The following NID1 variants were observed in gnomAD, a reference collection of about 807,000 sequenced individuals.
NID1 encodes the protein nidogen 1.
A neutral mutation model predicts 130.6 loss-of-function variants in NID1; 76 were observed. The observed-to-expected ratio is 0.58, with a 90% confidence interval of 0.48 to 0.70. The LOEUF is 0.70. Ranked by LOEUF, NID1 falls within the 30% of genes least tolerant of loss-of-function variation. The pLI is 0.00. For missense variants in NID1, 1,517 were observed against 1,664.8 expected, an observed-to-expected ratio of 0.91 and a Z score of 1.54; for synonymous variants, 665 against 675.1, an observed-to-expected ratio of 0.98 and a Z score of 0.23.
intron 2 of NID1, 104 bp from the exon 3 acceptor site, chr1:236,045,787 T>A: frequency 1.2e-6 from 1 of 825,260 alleles, no homozygotes; most frequent in Non-Finnish European, 1.9e-6. Flanking sequence ...TATAGAGCGA[T>A]GGCAATATTC....
chr1:236,022,101 C>T (rs1444561439), intron 9 of NID1, among the ~76,000 whole-genome samples: 1 of 151,954 alleles, frequency 6.6e-6, no homozygotes, highest in Non-Finnish European at 1.5e-5. Context: ...AAAACCCCAT[C>T]TCTACAAAAA....
chr1:236,007,186 T>C (rs1020231518), intron 12 of NID1, among the ~76,000 whole-genome samples: 1 of 152,220 alleles, frequency 6.6e-6, no homozygotes, highest in Non-Finnish European at 1.5e-5. Flanking sequence ...AATTTTTAAA[T>C]GCCATGCCTA....
At chr1:236,012,614 C>A (rs918558625) in intron 11 of NID1, among the ~76,000 whole-genome samples, 62 of 135,678 alleles carry the variant, frequency 4.6e-4, no homozygotes, top group African/African-American at 1.4e-3. Flanking sequence ...AACCTTACAA[C>A]AGGGGAAAAG....
At chr1:235,978,011 C>T in intron 19 of NID1, 23 bp from the exon 20 acceptor site, 1 of 1,612,220 alleles carries the variant, frequency 6.2e-7, no homozygotes, top group Non-Finnish European at 8.5e-7. Flanking sequence ...GAAATCAGTT[C>T]AATAGCCCTC....
At chr1:236,035,799 G>C (rs761545427) in intron 5 of NID1, among the ~76,000 whole-genome samples, 1 of 152,086 alleles carries the variant, frequency 6.6e-6, no homozygotes, top group East Asian at 1.9e-4. Context: ...CTGCACACAC[G>C]TTGCATCATT....
chr1:236,045,358 C>T (rs1378654352), intron 3 of NID1, 99 bp downstream of exon 3: 1 of 810,922 alleles, frequency 1.2e-6, no homozygotes, highest in African/African-American at 1.8e-5. Context: ...AACTTAAATC[C>T]ATAGGAACAT....
At chr1:236,003,106 T>TA (rs1468237679) in intron 12 of NID1, among the ~76,000 whole-genome samples, 3 of 149,258 alleles carry the variant, frequency 2.0e-5, no homozygotes, top group Non-Finnish European at 4.5e-5. Flanking sequence ...AGTGAACGAC[T>TA]GGTAGTTGTC....
intron 9 of NID1, among the ~76,000 whole-genome samples, chr1:236,021,527 C>T (rs1315218257): frequency 6.6e-6 from 1 of 152,218 alleles, no homozygotes; most frequent in Admixed American, 6.5e-5. Context: ...CTTCATGTTA[C>T]ATCAGCACAC....
Position 236,003,222 on chromosome 1 carries a change from A to G in NID1, c.2527+8699T>C, listed in dbSNP as rs1343470192. ...CACTCCTAGTGAACGACCGGTAGTT[A>G]TTCACTACTAATTTCAAGTATTCCC... On this transcript the variant is annotated intron_variant, in intron 12 of 19. Transcript: ENST00000264187. 1.1e-3 allele frequency among the ~76,000 whole-genome samples: 161 copies of G among 143,704 alleles called. 22 individuals carry two copies. The highest frequency in any genetic ancestry group is 3.7e-3 in the Middle Eastern group (1 of 270). 94.3% of individuals were successfully genotyped at this position (143,704 alleles called of 152,430 possible).
intron 19 of NID1, among the ~76,000 whole-genome samples, chr1:235,978,266 C>T (rs1286167874): frequency 6.6e-6 from 1 of 152,210 alleles, no homozygotes; most frequent in Non-Finnish European, 1.5e-5. Context: ...GGGGGAAGTT[C>T]TCCAGCTCTG....
At position 236,045,590 on chromosome 1, in the gene NID1, A is replaced by G; in HGVS notation, c.619T>C (p.Phe207Leu). Reference sequence around the variant, plus strand: ...ACTTGGTTGTTTTCCTTCTTTGAGAATGTCGTATGGAACTGCAGACCATCC... The same window carrying G: ...ACTTGGTTGTTTTCCTTCTTTGAGAGTGTCGTATGGAACTGCAGACCATCC... ...PEDGLQFHTT[F>L]SKKENNQVPA... Residue 207 changes from phenylalanine to leucine, a missense_variant, in exon 3 of 20, where the codon TTC becomes CTC. Physicochemically the swap from Phe to Leu is conservative, Grantham distance 22 (BLOSUM62 0). Transcript: ENST00000264187. 6.2e-7 allele frequency: 1 copy of G among 1,614,194 alleles called. No homozygotes were observed. Among genetic ancestry groups the G allele is most frequent in the South Asian group, 1.1e-5 (1 of 91,080 alleles).
intron 14 of NID1, among the ~76,000 whole-genome samples, chr1:235,986,401 T>C (rs868205748): frequency 6.7e-6 from 1 of 148,798 alleles, no homozygotes; most frequent in Non-Finnish European, 1.5e-5. Flanking sequence ...TAGCAAAATA[T>C]AGAAAATAAA....
intron 6 of NID1, 46 bp from the exon 7 acceptor site, chr1:236,029,796 C>T (rs377268654): frequency 1.3e-6 from 2 of 1,586,740 alleles, no homozygotes. Flanking sequence ...GGGGAGCGCG[C>T]CCTTCTGCCC....
At position 236,039,072 on chromosome 1, in the gene NID1, T is replaced by C. The variant is rs1659365473; in HGVS notation, c.1136-819A>G. Among the ~76,000 whole-genome samples, 7 of 141,972 alleles carry C rather than the reference T, an allele frequency of 4.9e-5. 1 individual carries two copies. In the South Asian group the frequency reaches 1.5e-3, roughly 30 times the overall value. 93.1% of individuals were successfully genotyped at this position (141,972 alleles called of 152,430 possible). A position where few individuals can be genotyped will look rare whatever the true frequency, so the allele number is the denominator to read the frequency against. On this transcript the variant is annotated intron_variant, in intron 4 of 19. Transcript: ENST00000264187. Reference sequence around the variant, plus strand: ...ATTATATATTTATATATACATTATATATATTTACATTATAAATATTTATAT... The same window carrying C: ...ATTATATATTTATATATACATTATACATATTTACATTATAAATATTTATAT...
rs1657384679 is a variant in NID1, at chr1:235,979,911, C to T, written c.3420G>A (p.Gln1140=). ...CTTCGAGAGCCTTGCGTCTGCTGGG[C>T]TGACTGGGGTTCAGGCATTCCGCCC... is the stretch of plus-strand genomic sequence containing the variant. ...TNRAECLNPS[Q]PSRRKALEGL... The change falls in exon 18 of 20, where the codon CAG becomes CAA. Residue 1140 remains glutamine (Q), a synonymous_variant. Coordinates refer to ENST00000264187, the MANE Select transcript of NID1 (RefSeq NM_002508.3). This position sits in a 1 kb window ranked among gnomAD's most constrained non-coding sequence, Gnocchi z 4.6. 1.2e-6 allele frequency: 2 copies of T among 1,614,004 alleles called. No individual in the cohort carries two copies. Among genetic ancestry groups the T allele is most frequent in the African/African-American group, 1.3e-5 (1 of 74,922 alleles).
rs1659136879 is a variant in NID1 at position 236,032,724 on chromosome 1, G to A, written c.1286-72C>T. On this transcript the variant is annotated intron_variant, in intron 5 of 19. Transcript: ENST00000264187. ...GTCTTTCAAACACGAGTAATATGTAGGACCTGTACCTATTGGTGAAGAAAG... is the reference window on the plus strand; with the variant it reads ...GTCTTTCAAACACGAGTAATATGTAAGACCTGTACCTATTGGTGAAGAAAG... 19 of 1,555,312 alleles carry A rather than the reference G, an allele frequency of 1.2e-5. No individual in the cohort carries two copies. The South Asian group carries it at 2.2e-4, about 18-fold the overall frequency.
chr1:236,057,898 G>A (rs1395910924), intron 1 of NID1, among the ~76,000 whole-genome samples: 1 of 148,892 alleles, frequency 6.7e-6, no homozygotes, highest in Non-Finnish European at 1.5e-5. Context: ...TTTATCACAT[G>A]TTTCTTTCTG....
chr1:235,980,570 A>C lies in NID1; in HGVS notation c.3311T>G (p.Val1104Gly). ...ATTGGGCAAGCCCAGGTCATCCTGC[A>C]CAAGGATCCTCCGGTTCGTGCCGTC... ...YMDGTNRRIL[V>G]QDDLGLPNGL... is the part of the protein sequence containing the mutation. The change falls in exon 17 of 20, where the codon GTG (valine) becomes GGG (glycine). Residue 1104 changes from valine to glycine, a missense_variant. Val to Gly is a moderately radical substitution (Grantham distance 109). Transcript: ENST00000264187. 1.9e-6 allele frequency: 3 copies of C among 1,614,204 alleles called. No homozygotes were observed. Among genetic ancestry groups the C allele is most frequent in the Non-Finnish European group, 2.5e-6 (3 of 1,180,026 alleles).
intron 8 of NID1, 129 bp from the exon 9 acceptor site, chr1:236,024,342 A>C (rs1572602688): frequency 2.8e-6 from 3 of 1,078,842 alleles, no homozygotes; most frequent in South Asian, 1.6e-5. Context: ...GGAATGGGAC[A>C]CCAGCCAATT....
Sources: allele counts gnomAD v4.1 joint callset (sites outside exome capture counted in the v4.1 genomes callset), GRCh38; gene constraint gnomAD v4.1.1; non-coding constraint Gnocchi (gnomAD v3.1); transcripts MANE v1.5; gene names NCBI Gene and HGNC (gene_info 2026-07-23, HGNC 2026-07-21).